Variants in CTNNA2 observed in about 807,000 individuals in gnomAD.
CTNNA2 encodes catenin alpha-2.
CTNNA2 carries 42 observed loss-of-function variants against 101.0 expected under a neutral mutation model. The ratio of observed to expected loss-of-function variants is 0.42; its 90% CI spans 0.32 to 0.54. The LOEUF is 0.54. CTNNA2 is among the 20% of genes least tolerant of loss of function. CTNNA2 has a pLI of 0.14. For synonymous variants in CTNNA2, 450 were observed against 456.4 expected (o/e 0.99, Z 0.18); for missense variants, 871 against 1,223.1 (o/e 0.71, Z 4.29).
intron 7 of CTNNA2, among the ~76,000 whole-genome samples, chr2:80,227,834 G>GA (rs577904751): frequency 2.0e-5 from 3 of 150,100 alleles, no homozygotes; most frequent in African/African-American, 4.9e-5. Flanking sequence ...GACAAAATTC[G>GA]AAAAAAACAA....
intron 1 of CTNNA2, among the ~76,000 whole-genome samples, chr2:79,558,003 C>T (rs577245365): frequency 2.6e-5 from 4 of 152,008 alleles, no homozygotes; most frequent in Non-Finnish European, 4.4e-5. Flanking sequence ...ATCTCCAGAG[C>T]GTTTACACAC....
intron 2 of CTNNA2, among the ~76,000 whole-genome samples, chr2:79,202,727 C>CGTTTGTTT (rs200047453): frequency 0.083 from 8,864 of 107,152 alleles, 343 homozygotes; most frequent in Admixed American, 0.17. Context: ...TATGGTTCTA[C>CGTTTGTTT]GTTTCTTTGT....
At chr2:79,254,451 C>A (rs1674815557) in intron 2 of CTNNA2, among the ~76,000 whole-genome samples, 1 of 152,096 alleles carries the variant, frequency 6.6e-6, no homozygotes, top group African/African-American at 2.4e-5. Context: ...GTGTGTAGCA[C>A]CTCCCTCTAC....
chr2:80,189,699 C>T (rs189686190), intron 7 of CTNNA2, among the ~76,000 whole-genome samples: 2 of 152,086 alleles, frequency 1.3e-5, no homozygotes, highest in East Asian at 1.9e-4. Context: ...GGCGTTGTTC[C>T]ACCTCACAAT....
intron 9 of CTNNA2, among the ~76,000 whole-genome samples, chr2:80,491,130 G>T (rs778087171): frequency 3.9e-5 from 6 of 152,136 alleles, no homozygotes; most frequent in Non-Finnish European, 7.4e-5. Context: ...CTGCCATACT[G>T]CCAGCATAAC....
intron 4 of CTNNA2, among the ~76,000 whole-genome samples, chr2:79,389,111 A>G (rs1250846044): frequency 1.3e-5 from 2 of 152,220 alleles, no homozygotes; most frequent in African/African-American, 4.8e-5. Context: ...TTAAAGAAGA[A>G]TTTGGGAGAA....
intron 7 of CTNNA2, among the ~76,000 whole-genome samples, chr2:80,107,000 C>T (rs1700930005): frequency 1.3e-5 from 2 of 152,148 alleles, no homozygotes; most frequent in African/African-American, 4.8e-5. Context: ...GAAGACTCAT[C>T]TTCACCTAAA....
chr2:80,355,895 G>A (rs1673746514), intron 7 of CTNNA2, among the ~76,000 whole-genome samples: 1 of 151,884 alleles, frequency 6.6e-6, no homozygotes, highest in Non-Finnish European at 1.5e-5. Context: ...CACCTTCCAT[G>A]GTCTATATTG....
intron 7 of CTNNA2, among the ~76,000 whole-genome samples, chr2:80,311,801 C>T (rs1269268471): frequency 6.6e-6 from 1 of 152,210 alleles, no homozygotes; most frequent in Non-Finnish European, 1.5e-5. Context: ...TTCATGGTTT[C>T]AGCCATTTAT....
rs569458183 is a variant in CTNNA2 at position 80,640,769 on chromosome 2, ATTTT to A, written c.2575-6810_2575-6807del. 4.1e-4 allele frequency among the ~76,000 whole-genome samples: 63 copies of A among 151,840 alleles called. No individual in the cohort carries two copies. In the South Asian group the frequency reaches 9.6e-3, roughly 23 times the overall value. ...AACAGCAAAGCTGACTTGTAGCAAAATTTTTTTTTCCTTGCAAGCAATATGTGAC... is the reference window on the plus strand; with the variant it reads ...AACAGCAAAGCTGACTTGTAGCAAAATTTTTCCTTGCAAGCAATATGTGAC... On this transcript the variant is annotated intron_variant, in intron 18 of 18. Transcript: ENST00000402739.
At chr2:80,501,259 A>G (rs555344654) in intron 9 of CTNNA2, among the ~76,000 whole-genome samples, 2 of 152,248 alleles carry the variant, frequency 1.3e-5, no homozygotes, top group Non-Finnish European at 2.9e-5. Flanking sequence ...TGCTTTCACC[A>G]TCTCAGAAAG....
At chr2:79,266,658 A>C (rs1480331329) in intron 2 of CTNNA2, among the ~76,000 whole-genome samples, 1 of 152,126 alleles carries the variant, frequency 6.6e-6, no homozygotes, top group Non-Finnish European at 1.5e-5. Context: ...AGTGAAGATA[A>C]AGATAACCAC....
At chr2:79,246,012 C>T (rs1466110761) in intron 2 of CTNNA2, among the ~76,000 whole-genome samples, 1 of 152,170 alleles carries the variant, frequency 6.6e-6, no homozygotes, top group Non-Finnish European at 1.5e-5. Context: ...CTCTTAGCAT[C>T]CATCATTATG....
chr2:79,616,994 C>T (rs956467331), intron 1 of CTNNA2, among the ~76,000 whole-genome samples: 3 of 151,778 alleles, frequency 2.0e-5, no homozygotes, highest in Non-Finnish European at 4.4e-5. Flanking sequence ...CTCCACCTCC[C>T]GGGTTCAAGC....
chr2:80,419,336 A>G, intron 8 of CTNNA2, 113 bp from the exon 9 acceptor site: 1 of 797,814 alleles, frequency 1.3e-6, no homozygotes, highest in South Asian at 1.9e-5. Flanking sequence ...TAAAAAGAAA[A>G]TAGGAATATT....
At chr2:80,212,245 C>G (rs1415143958) in intron 7 of CTNNA2, among the ~76,000 whole-genome samples, 2 of 152,108 alleles carry the variant, frequency 1.3e-5, no homozygotes, top group African/African-American at 4.8e-5. Flanking sequence ...CCAGAACTTC[C>G]AACATTATGT....
At position 79,818,322 on chromosome 2, in the gene CTNNA2, T is replaced by C. The variant is rs987792912; in HGVS notation, c.299-39691T>C. Among the ~76,000 whole-genome samples the C allele has an allele frequency of 1.7e-3, 257 of 152,290 alleles. 2 individuals carry two copies. Among genetic ancestry groups the C allele is most frequent in the Non-Finnish European group, 1.7e-3 (114 of 68,024 alleles). On this transcript the variant is annotated intron_variant, in intron 3 of 18. Transcript: ENST00000402739. Reference sequence around the variant, plus strand: ...GTGATTTACCTTTGTTTTTGTTTTTTGTTTTTTTGAGACGGAGTTTCGCTC... The same window carrying C: ...GTGATTTACCTTTGTTTTTGTTTTTCGTTTTTTTGAGACGGAGTTTCGCTC...
chr2:79,448,069 T>C (rs1435586862), intron 4 of CTNNA2, among the ~76,000 whole-genome samples: 1 of 152,094 alleles, frequency 6.6e-6, no homozygotes, highest in Non-Finnish European at 1.5e-5. Context: ...AGTGTTTCAG[T>C]AGATTTTCTT....
chr2:79,390,943 AG>A (rs1447495961), intron 4 of CTNNA2, among the ~76,000 whole-genome samples: 2 of 152,222 alleles, frequency 1.3e-5, no homozygotes, highest in Non-Finnish European at 2.9e-5. Context: ...TCAATGAAAA[AG>A]ATAGAAGTTC....
Sources: gnomAD v4.1 joint callset for allele counts (sites outside exome capture counted in the v4.1 genomes callset) on GRCh38, gnomAD v4.1.1 for gene constraint, MANE v1.5 for transcripts, NCBI Gene and HGNC (gene_info 2026-07-23, HGNC 2026-07-21) for gene names.